The following BCAR3 variants were observed in gnomAD, a reference collection of about 807,000 sequenced individuals.
BCAR3 encodes the protein breast cancer anti-estrogen resistance protein 3.
A neutral mutation model predicts 80.1 loss-of-function variants in BCAR3; 37 were observed. That is an observed-to-expected ratio of 0.46 (90% CI 0.36 to 0.61). The LOEUF (loss-of-function observed/expected upper bound fraction) is 0.61, where lower values mean the gene tolerates loss of function less well. Among genes scored for constraint, BCAR3 ranks in the 20% least tolerant of loss-of-function variants. The pLI is 0.00. For missense variants in BCAR3, 978 were observed against 1,068.2 expected, an observed-to-expected ratio of 0.92 and a Z score of 1.18; for synonymous variants, 389 against 418.9, an observed-to-expected ratio of 0.93 and a Z score of 0.87.
At chr1:93,597,639 C>T (rs899064672) in intron 3 of BCAR3, among the ~76,000 whole-genome samples, 1 of 152,252 alleles carries the variant, frequency 6.6e-6, no homozygotes, top group African/African-American at 2.4e-5. Context: ...ACATCCCTGG[C>T]ATGTAGTCAG....
At chr1:93,841,595 C>T (rs1654962965) in intron 2 of BCAR3, among the ~76,000 whole-genome samples, 1 of 152,238 alleles carries the variant, frequency 6.6e-6, no homozygotes, top group Non-Finnish European at 1.5e-5. Context: ...GCCTTAGACA[C>T]GATATACCTG....
chr1:93,846,701 G>T, intron 1 of BCAR3: 4 of 345,602 alleles, frequency 1.2e-5, no homozygotes, highest in Non-Finnish European at 2.3e-5. Context: ...GCTCCCACGC[G>T]TGCTGACACC....
At chr1:93,750,835 C>A (rs75887508) in intron 2 of BCAR3, among the ~76,000 whole-genome samples, 1 of 152,146 alleles carries the variant, frequency 6.6e-6, no homozygotes, top group Non-Finnish European at 1.5e-5. Context: ...GTCAAGATAC[C>A]CTGGATCTTT....
At chr1:93,784,097 G>A (rs1436948155) in intron 2 of BCAR3, among the ~76,000 whole-genome samples, 1 of 151,552 alleles carries the variant, frequency 6.6e-6, no homozygotes, top group Non-Finnish European at 1.5e-5. Flanking sequence ...AGTCATCTTA[G>A]AAGTGGATCC....
intron 3 of BCAR3, among the ~76,000 whole-genome samples, chr1:93,636,600 C>T (rs377527147): frequency 1.3e-5 from 2 of 150,700 alleles, no homozygotes; most frequent in African/African-American, 4.9e-5. Flanking sequence ...TTTTCTACTT[C>T]ACCATATTTT....
chr1:93,688,976 AC>A (rs1452434047), intron 3 of BCAR3, among the ~76,000 whole-genome samples: 1 of 152,210 alleles, frequency 6.6e-6, no homozygotes, highest in Non-Finnish European at 1.5e-5. Context: ...TTACTTAAAA[AC>A]AAATTCAAAA....
chr1:93,585,162 T>G (rs1433099288), intron 5 of BCAR3: 2 of 985,334 alleles, frequency 2.0e-6, no homozygotes, highest in East Asian at 2.3e-4. Flanking sequence ...GGGTGTGGAA[T>G]GCAACCTGCC....
At chr1:93,644,799 C>T (rs1676102841) in intron 2 of BCAR3, among the ~76,000 whole-genome samples, 1 of 152,130 alleles carries the variant, frequency 6.6e-6, no homozygotes, top group South Asian at 2.1e-4. Flanking sequence ...TTGAGCTTCT[C>T]CTCTGGTGGA....
At chr1:93,730,141 C>T (rs1485139397) in intron 2 of BCAR3, among the ~76,000 whole-genome samples, 2 of 152,090 alleles carry the variant, frequency 1.3e-5, no homozygotes, top group Non-Finnish European at 2.9e-5. Context: ...TCCCTCTTGA[C>T]ACTAGTTTGT....
intron 2 of BCAR3, among the ~76,000 whole-genome samples, chr1:93,805,582 C>T (rs1325347311): frequency 0.033 from 3 of 92 alleles, no homozygotes; most frequent in African/African-American, 0.12. Flanking sequence ...GCATTCCTGC[C>T]TTTAGGACCC....
At chr1:93,596,958 C>T (rs1674440494) in intron 3 of BCAR3, among the ~76,000 whole-genome samples, 1 of 152,190 alleles carries the variant, frequency 6.6e-6, no homozygotes, top group South Asian at 2.1e-4. Context: ...ATTGTGCCCA[C>T]AGGTCTTGCC....
At position 93,710,202 on chromosome 1, in the gene BCAR3, C is replaced by T. The variant is rs1032435336; in HGVS notation, c.-62-4060G>A. 5.3e-5 allele frequency among the ~76,000 whole-genome samples: 8 copies of T among 152,296 alleles called. 1 individual carries two copies. Among genetic ancestry groups the T allele is most frequent in the Admixed American group, 3.9e-4 (6 of 15,298 alleles). On this transcript the variant is annotated intron_variant, in intron 2 of 13. Coordinates refer to the BCAR3 transcript ENST00000370244. ...GAAAGGCTGATCAAGAAGTGGGCTC[C>T]CTCCCTGGACCTGTACCCCTTGTTT...
intron 2 of BCAR3, among the ~76,000 whole-genome samples, chr1:93,810,096 G>A (rs1653781145): frequency 6.6e-6 from 1 of 151,120 alleles, no homozygotes; most frequent in South Asian, 2.1e-4. Context: ...GGGAGGCTGA[G>A]GCAGGAGAAT....
At chr1:93,742,083 C>T (rs1651200363) in intron 2 of BCAR3, among the ~76,000 whole-genome samples, 1 of 152,176 alleles carries the variant, frequency 6.6e-6, no homozygotes, top group Non-Finnish European at 1.5e-5. Flanking sequence ...CTGGCATCTC[C>T]AAACAGTGTT....
intron 2 of BCAR3, among the ~76,000 whole-genome samples, chr1:93,760,045 T>C (rs1013334429): frequency 1.3e-5 from 2 of 152,000 alleles, no homozygotes; most frequent in Non-Finnish European, 2.9e-5. Context: ...GTAACTTACG[T>C]AAACTAGGTG....
At chr1:93,715,911 AG>A (rs1485649207) in intron 2 of BCAR3, among the ~76,000 whole-genome samples, 3 of 152,246 alleles carry the variant, frequency 2.0e-5, no homozygotes, top group African/African-American at 7.2e-5. Flanking sequence ...AGTAGCGCTC[AG>A]CCAGCTTGCA....
At chr1:93,828,091 C>T (rs1353359822) in intron 2 of BCAR3, among the ~76,000 whole-genome samples, 1 of 152,104 alleles carries the variant, frequency 6.6e-6, no homozygotes, top group African/African-American at 2.4e-5. Flanking sequence ...ATGATTGCAC[C>T]ACTGCATACC....
At chr1:93,763,104 G>C (rs1002725201) in intron 2 of BCAR3, among the ~76,000 whole-genome samples, 2 of 152,158 alleles carry the variant, frequency 1.3e-5, no homozygotes, top group African/African-American at 2.4e-5. Context: ...ACAGGGTCTT[G>C]CTTGTTACAA....
chr1:93,607,196 G>A (rs939286185), intron 3 of BCAR3, among the ~76,000 whole-genome samples: 1 of 152,062 alleles, frequency 6.6e-6, no homozygotes, highest in African/African-American at 2.4e-5. Flanking sequence ...AAATCCCACC[G>A]CTATGCAATA....
Sources: gnomAD v4.1 joint callset for allele counts (sites outside exome capture counted in the v4.1 genomes callset) on GRCh38, gnomAD v4.1.1 for gene constraint, MANE v1.5 for transcripts, NCBI Gene and HGNC (gene_info 2026-07-23, HGNC 2026-07-21) for gene names.